Variants in AGBL4 observed in about 807,000 individuals in gnomAD.
AGBL4 encodes the protein cytosolic carboxypeptidase 6.
Under a neutral mutation model 66.4 loss-of-function variants are expected in AGBL4, and 58 were observed. That is an observed-to-expected ratio of 0.87 (90% CI 0.71 to 1.09). The LOEUF is 1.09. Ranked by LOEUF, AGBL4 falls within the 50% of genes least tolerant of loss-of-function variation. AGBL4 has a pLI of 0.00. For missense variants in AGBL4, 579 were observed against 631.0 expected, an observed-to-expected ratio of 0.92 and a Z score of 0.88; for synonymous variants, 234 against 222.9, an observed-to-expected ratio of 1.05 and a Z score of -0.44.
chr1:49,409,056 C>A (rs538574800), intron 3 of AGBL4, among the ~76,000 whole-genome samples: 1 of 151,450 alleles, frequency 6.6e-6, no homozygotes, highest in Non-Finnish European at 1.5e-5. Context: ...ATGCCAGAGG[C>A]CTAAACCAAA....
chr1:49,368,808 C>G (rs2148548659), intron 3 of AGBL4, among the ~76,000 whole-genome samples: 1 of 152,290 alleles, frequency 6.6e-6, no homozygotes, highest in African/African-American at 2.4e-5. Flanking sequence ...GGTGTGGTGG[C>G]TCATGCCTGT....
At chr1:49,296,402 C>T (rs192853633) in intron 3 of AGBL4, among the ~76,000 whole-genome samples, 2 of 152,110 alleles carry the variant, frequency 1.3e-5, no homozygotes, top group Admixed American at 6.5e-5. Flanking sequence ...CCCTCTACCC[C>T]AAACTCTCAA....
At chr1:49,506,381 C>A (rs1210360610) in intron 3 of AGBL4, among the ~76,000 whole-genome samples, 1 of 151,966 alleles carries the variant, frequency 6.6e-6, no homozygotes, top group African/African-American at 2.4e-5. Flanking sequence ...CCACCTGAGC[C>A]TCATCTTGAA....
intron 2 of AGBL4, among the ~76,000 whole-genome samples, chr1:49,737,995 C>T (rs971860678): frequency 2.6e-5 from 4 of 151,858 alleles, no homozygotes; most frequent in African/African-American, 7.3e-5. Context: ...TGCAGTGCAC[C>T]GAGCGTGAGC....
At chr1:49,934,716 G>A (rs1557594024) in intron 1 of AGBL4, among the ~76,000 whole-genome samples, 1 of 151,638 alleles carries the variant, frequency 6.6e-6, no homozygotes, top group African/African-American at 2.4e-5. Context: ...GATCTTAAAT[G>A]AGTAACCTAA....
the AGBL4 span, among the ~76,000 whole-genome samples, chr1:48,523,640 T>C: frequency 6.6e-6 from 1 of 152,236 alleles, no homozygotes; most frequent in Non-Finnish European, 1.5e-5. Context: ...ACAGGCTTAA[T>C]GTTTGAAAGT....
At chr1:49,434,644 G>T (rs957915433) in intron 3 of AGBL4, among the ~76,000 whole-genome samples, 1 of 151,818 alleles carries the variant, frequency 6.6e-6, no homozygotes, top group Non-Finnish European at 1.5e-5. Flanking sequence ...CCAGCAAATT[G>T]CTATCTGTTC....
chr1:48,739,617 C>T (rs892735054), intron 6 of AGBL4, among the ~76,000 whole-genome samples: 7 of 152,176 alleles, frequency 4.6e-5, no homozygotes, highest in African/African-American at 1.4e-4. Context: ...GGGCCAGTCA[C>T]TTTATTTCCT....
chr1:49,962,699 G>A (rs751860053), intron 1 of AGBL4, among the ~76,000 whole-genome samples: 4 of 152,056 alleles, frequency 2.6e-5, no homozygotes, highest in Admixed American at 6.6e-5. Context: ...TAGCCTAGGG[G>A]CTCACACTCA....
chr1:49,502,742 G>C (rs993015756), intron 3 of AGBL4, among the ~76,000 whole-genome samples: 1 of 152,090 alleles, frequency 6.6e-6, no homozygotes, highest in Non-Finnish European at 1.5e-5. Context: ...TAAAGAGACT[G>C]ATGGTATTTT....
At chr1:48,877,361 C>T (rs762897188) in intron 5 of AGBL4, among the ~76,000 whole-genome samples, 34 of 151,928 alleles carry the variant, frequency 2.2e-4, no homozygotes, top group Non-Finnish European at 4.3e-4. Context: ...TGGTAATTAA[C>T]GTAGATATAA....
At chr1:48,632,217 GA>G (rs1012846062) in intron 9 of AGBL4, among the ~76,000 whole-genome samples, 8 of 152,272 alleles carry the variant, frequency 5.3e-5, no homozygotes, top group African/African-American at 1.9e-4. Flanking sequence ...AGGCATAAAT[GA>G]GTAGCCTTTC....
chr1:49,350,829 G>T (rs1446212301), intron 3 of AGBL4, among the ~76,000 whole-genome samples: 1 of 151,658 alleles, frequency 6.6e-6, no homozygotes, highest in African/African-American at 2.4e-5. Context: ...ATAGGACCAG[G>T]ACAGGACTCT....
chr1:49,092,355 T>C (rs1645017832), intron 4 of AGBL4, among the ~76,000 whole-genome samples: 1 of 152,090 alleles, frequency 6.6e-6, no homozygotes, highest in Non-Finnish European at 1.5e-5. Flanking sequence ...GTCCAGAAAA[T>C]GTTTGCTGAG....
intron 4 of AGBL4, among the ~76,000 whole-genome samples, chr1:49,104,312 C>T (rs1194704012): frequency 6.6e-6 from 1 of 152,022 alleles, no homozygotes; most frequent in African/African-American, 2.4e-5. Flanking sequence ...TATGTGAATC[C>T]CACAGTTGAC....
intron 2 of AGBL4, among the ~76,000 whole-genome samples, chr1:49,752,792 C>T (rs1651579322): frequency 6.6e-6 from 1 of 152,212 alleles, no homozygotes; most frequent in Non-Finnish European, 1.5e-5. Context: ...GTTAGCCCTT[C>T]TTGTTGCATT....
At chr1:49,845,170 A>G (rs758504771) in intron 2 of AGBL4, 7 of 1,413,920 alleles carry the variant, frequency 5.0e-6, no homozygotes, top group Non-Finnish European at 7.0e-6. Context: ...TGAATGTCAC[A>G]AATGAGGAAA....
chr1:49,111,077 T>G (rs1199297708), intron 4 of AGBL4, among the ~76,000 whole-genome samples: 1 of 152,040 alleles, frequency 6.6e-6, no homozygotes, highest in Non-Finnish European at 1.5e-5. Flanking sequence ...CTCTCTAACT[T>G]CATCTTCTAT....
chr1:48,875,223 G>C (rs969622971), intron 5 of AGBL4, among the ~76,000 whole-genome samples: 6 of 152,120 alleles, frequency 3.9e-5, no homozygotes, highest in Non-Finnish European at 8.8e-5. Flanking sequence ...AAGGTATTCT[G>C]ATGGGGGTTC....
Sources: gnomAD v4.1 joint callset for allele counts (sites outside exome capture counted in the v4.1 genomes callset) on GRCh38, gnomAD v4.1.1 for gene constraint, MANE v1.5 for transcripts, NCBI Gene and HGNC (gene_info 2026-07-23, HGNC 2026-07-21) for gene names.